NKAIN1: variants seen among roughly 807,000 people sequenced by gnomAD.
The protein encoded by NKAIN1 is sodium/potassium-transporting ATPase subunit beta-1-interacting protein 1.
A neutral mutation model predicts 31.6 loss-of-function variants in NKAIN1; 13 were observed. That is an observed-to-expected ratio of 0.41 (90% CI 0.27 to 0.65). The LOEUF is 0.65. Among genes scored for constraint, NKAIN1 ranks in the 30% least tolerant of loss-of-function variants. NKAIN1 has a pLI of 0.30. For synonymous variants in NKAIN1, 104 were observed against 109.0 expected (o/e 0.95, Z 0.28); for missense variants, 193 against 262.2 (o/e 0.74, Z 1.82).
chr1:31,202,819 A>T (rs902236194), intron 1 of NKAIN1, among the ~76,000 whole-genome samples: 17 of 145,684 alleles, frequency 1.2e-4, no homozygotes, highest in African/African-American at 4.4e-4. Context: ...TCTACTAAAA[A>T]TATAAAAATT....
chr1:31,183,265 T>C (rs1570447489), intron 4 of NKAIN1, among the ~76,000 whole-genome samples: 1 of 151,752 alleles, frequency 6.6e-6, no homozygotes, highest in South Asian at 2.1e-4. Flanking sequence ...ACATAGTGGG[T>C]GTATTGAGCA....
At chr1:31,195,808 C>A (rs962246009) in intron 1 of NKAIN1, among the ~76,000 whole-genome samples, 1 of 150,698 alleles carries the variant, frequency 6.6e-6, no homozygotes, top group Non-Finnish European at 1.5e-5. Context: ...GTCTGTGGTC[C>A]CAGCTACTTG....
chr1:31,229,268 T>C (rs1645629278), intron 1 of NKAIN1, among the ~76,000 whole-genome samples: 1 of 152,172 alleles, frequency 6.6e-6, no homozygotes, highest in Admixed American at 6.5e-5. Context: ...AGTCTTTCTG[T>C]AGTTCAGGAA....
intron 1 of NKAIN1, 154 bp from the exon 2 acceptor site, chr1:31,188,341 G>C (rs1306531572): frequency 2.5e-6 from 2 of 802,442 alleles, no homozygotes; most frequent in Non-Finnish European, 3.9e-6. Context: ...AGGGATGCTG[G>C]GGGGTCCTTA....
Position 31,181,432 on chromosome 1 carries a change from AAAAC to A in NKAIN1, c.*267_*270del, listed in dbSNP as rs1217395290. 17 of 394,214 alleles carry A rather than the reference AAAAC, an allele frequency of 4.3e-5. No homozygotes were observed. The highest frequency in any genetic ancestry group is 6.7e-5 in the Non-Finnish European group (15 of 223,178). The allele number at this position is 394,214 out of a possible 1,614,324, so 24.4% of individuals were successfully genotyped here. A position where few individuals can be genotyped will look rare whatever the true frequency, so the allele number is the denominator to read the frequency against. ...CCAGCTCACGCCAAGGCTGAGATTA[AAAAC>A]AAACAAACAAAAAACAAAAAACCCG... On this transcript the variant is annotated 3_prime_UTR_variant, in exon 7 of 7. Coordinates refer to ENST00000373736, the MANE Select transcript of NKAIN1 (RefSeq NM_024522.3).
Position 31,181,458 on chromosome 1 carries a change from C to G in NKAIN1, c.*245G>C, listed in dbSNP as rs4949357. On this transcript the variant is annotated 3_prime_UTR_variant, in exon 7 of 7. Coordinates refer to ENST00000373736, the MANE Select transcript of NKAIN1 (RefSeq NM_024522.3). ...AAACAAACAAACAAAAAACAAAAAACCCGTGGTGCCCCTCCCCCGCCCCGC... is the reference window on the plus strand; with the variant it reads ...AAACAAACAAACAAAAAACAAAAAAGCCGTGGTGCCCCTCCCCCGCCCCGC... The G allele has an allele frequency of 0.61, 244,885 of 402,892 alleles. 81,110 individuals carry two copies. Among genetic ancestry groups the G allele is most frequent in the Middle Eastern group, 0.77 (1,200 of 1,566 alleles). 25.0% of individuals were successfully genotyped at this position (402,892 alleles called of 1,614,324 possible). A position where few individuals can be genotyped will look rare whatever the true frequency, so the allele number is the denominator to read the frequency against.
chr1:31,233,968 C>A lies in NKAIN1; in HGVS notation c.54+5526G>T, dbSNP rs148026736. Among the ~76,000 whole-genome samples the A allele has an allele frequency of 1.4e-4, 22 of 152,342 alleles. No individual in the cohort carries two copies. In the East Asian group the frequency reaches 4.2e-3, roughly 29 times the overall value. ...TCCTAGCCCCTGTGCCAGATCTCAG[C>A]GAAGCTGCCATTTATGGGCTGCTTA... is the stretch of plus-strand genomic sequence containing the variant. On this transcript the variant is annotated intron_variant, in intron 1 of 6. Coordinates refer to ENST00000373736, the MANE Select transcript of NKAIN1 (RefSeq NM_024522.3). This position sits in a 1 kb window ranked among gnomAD's most constrained non-coding sequence, Gnocchi z 4.0.
intron 1 of NKAIN1, among the ~76,000 whole-genome samples, chr1:31,232,260 T>C (rs1381880534): frequency 2.0e-5 from 3 of 148,648 alleles, no homozygotes; most frequent in African/African-American, 4.9e-5. Context: ...CCTGGCTAAT[T>C]TTGTATTTTT....
chr1:31,198,358 C>A (rs904625817), intron 1 of NKAIN1, among the ~76,000 whole-genome samples: 1 of 152,164 alleles, frequency 6.6e-6, no homozygotes, highest in Non-Finnish European at 1.5e-5. Context: ...GCATTCTAAC[C>A]AATGACTCAG....
intron 1 of NKAIN1, among the ~76,000 whole-genome samples, chr1:31,199,558 C>G (rs112679106): frequency 6.6e-6 from 1 of 152,136 alleles, no homozygotes; most frequent in Admixed American, 6.5e-5. Context: ...TGGCCCAACC[C>G]CCTCATTAGG....
intron 1 of NKAIN1, among the ~76,000 whole-genome samples, chr1:31,232,530 C>G (rs1274312273): frequency 6.8e-6 from 1 of 146,056 alleles, no homozygotes; most frequent in African/African-American, 2.5e-5. Context: ...CTCAAGCGAT[C>G]CTTCCACCTT....
chr1:31,226,241 C>T (rs1417382305), intron 1 of NKAIN1, among the ~76,000 whole-genome samples: 1 of 152,068 alleles, frequency 6.6e-6, no homozygotes, highest in East Asian at 1.9e-4. Context: ...CTATGTGATC[C>T]ATCTGTGTCC....
In NKAIN1 at chr1:31,219,997, A is replaced by G. The variant is rs946716224; in HGVS notation, c.54+19497T>C. Among the ~76,000 whole-genome samples, 98 of 127,324 alleles carry G rather than the reference A, an allele frequency of 7.7e-4. 2 individuals carry two copies. Among genetic ancestry groups the G allele is most frequent in the Non-Finnish European group, 8.7e-4 (54 of 62,286 alleles). The allele number at this position is 127,324 out of a possible 152,430, so 83.5% of individuals were successfully genotyped here. A position where few individuals can be genotyped will look rare whatever the true frequency, so the allele number is the denominator to read the frequency against. On this transcript the variant is annotated intron_variant, in intron 1 of 6. Coordinates refer to ENST00000373736, the MANE Select transcript of NKAIN1 (RefSeq NM_024522.3). Reference sequence around the variant, plus strand: ...ACTGCTGCTAAACCTGCTTCAGAACACTCAGATTTTTTTTTTTTTTTTTTT... The same window carrying G: ...ACTGCTGCTAAACCTGCTTCAGAACGCTCAGATTTTTTTTTTTTTTTTTTT...
At chr1:31,223,659 T>A in intron 1 of NKAIN1, among the ~76,000 whole-genome samples, 1 of 152,148 alleles carries the variant, frequency 6.6e-6, no homozygotes, top group Non-Finnish European at 1.5e-5. Flanking sequence ...TTAGCCAGGA[T>A]GGTCCCGATC....
intron 1 of NKAIN1, 139 bp from the exon 2 acceptor site, chr1:31,188,326 A>G (rs1645260799): frequency 1.1e-6 from 1 of 901,554 alleles, no homozygotes; most frequent in Non-Finnish European, 1.7e-6. Context: ...GTCCTTCACT[A>G]CCAAAGGGAT....
In NKAIN1 at chr1:31,233,140, C is replaced by T. The variant is rs566703530; in HGVS notation, c.54+6354G>A. Among the ~76,000 whole-genome samples the T allele has an allele frequency of 6.6e-6, 1 of 152,056 alleles. No homozygotes were observed. The highest frequency in any genetic ancestry group is 1.5e-5 in the Non-Finnish European group (1 of 68,006). On this transcript the variant is annotated intron_variant, in intron 1 of 6. Transcript: ENST00000373736. This position sits in a 1 kb window ranked among gnomAD's most constrained non-coding sequence, Gnocchi z 4.0. Reference sequence around the variant, plus strand: ...ATTTTTTGTATTTTTAGTAGAGATGCGGTTTCACCACATTGGCCAGGCTGG... The same window carrying T: ...ATTTTTTGTATTTTTAGTAGAGATGTGGTTTCACCACATTGGCCAGGCTGG...
intron 1 of NKAIN1, among the ~76,000 whole-genome samples, chr1:31,217,310 G>A (rs768371557): frequency 6.6e-6 from 1 of 152,138 alleles, no homozygotes; most frequent in Non-Finnish European, 1.5e-5. Context: ...GGCTACAAGT[G>A]TGTGCCAACA....
chr1:31,227,777 T>C (rs982945117), intron 1 of NKAIN1, among the ~76,000 whole-genome samples: 3 of 152,170 alleles, frequency 2.0e-5, no homozygotes, highest in African/African-American at 7.2e-5. Context: ...CCACAAGACC[T>C]TTCATGGCCC....
In NKAIN1 at chr1:31,185,864, A is replaced by G. The variant is rs185087955; in HGVS notation, c.193-537T>C. Among the ~76,000 whole-genome samples, 766 of 152,118 alleles carry G rather than the reference A, an allele frequency of 5.0e-3. 4 individuals are homozygous for G. Among genetic ancestry groups the G allele is most frequent in the Non-Finnish European group, 6.8e-3 (465 of 67,998 alleles). Reference sequence around the variant, plus strand: ...GGTGGTAAGCCACTAGAGGGCGAGGACTCTGACTGCCTGGCTCACCACTGC... The same window carrying G: ...GGTGGTAAGCCACTAGAGGGCGAGGGCTCTGACTGCCTGGCTCACCACTGC... On this transcript the variant is annotated intron_variant, in intron 2 of 6. Coordinates refer to ENST00000373736, the MANE Select transcript of NKAIN1 (RefSeq NM_024522.3).
Sources: allele counts gnomAD v4.1 joint callset (sites outside exome capture counted in the v4.1 genomes callset), GRCh38; gene constraint gnomAD v4.1.1; non-coding constraint Gnocchi (gnomAD v3.1); transcripts MANE v1.5; gene names NCBI Gene and HGNC (gene_info 2026-07-23, HGNC 2026-07-21).